RELN: variants seen among roughly 807,000 people sequenced by gnomAD.
RELN encodes reelin.
Under a neutral mutation model 427.6 loss-of-function variants are expected in RELN, and 108 were observed. That is an observed-to-expected ratio of 0.25 (90% CI 0.22 to 0.30). RELN has a LOEUF of 0.30. Among genes scored for constraint, RELN ranks in the 10% least tolerant of loss-of-function variants. RELN has a pLI of 1.00. For synonymous variants in RELN, 1,524 were observed against 1,513.4 expected, an observed-to-expected ratio of 1.01 and a Z score of -0.16; for missense variants, 3,715 against 4,302.8, an observed-to-expected ratio of 0.86 and a Z score of 3.82.
chr7:103,574,084 CT>C lies in RELN; in HGVS notation c.4511+7del. On this transcript the variant is annotated splice_region_variant and intron_variant, in intron 30 of 64. Coordinates refer to ENST00000428762, the MANE Select transcript of RELN (RefSeq NM_005045.4). The stretch of plus-strand genomic sequence containing the variant: ...TTGTGAAAAAGTATACCAGTTAATA[CT>C]TGTTACCTGATATTCCTGGTGTCCA... 1 of 1,604,772 alleles carries C rather than the reference CT, an allele frequency of 6.2e-7. No individual in the cohort carries two copies. Among genetic ancestry groups the C allele is most frequent in the Non-Finnish European group, 8.5e-7 (1 of 1,171,502 alleles).
intron 38 of RELN, among the ~76,000 whole-genome samples, chr7:103,555,525 T>A (rs2711867): frequency 6.6e-6 from 1 of 152,064 alleles, no homozygotes; most frequent in East Asian, 1.9e-4. Context: ...CAGGCTGGAG[T>A]GCAGTGTCAT....
chr7:103,607,469 GTT>G (rs1831847169), intron 22 of RELN, among the ~76,000 whole-genome samples: 2 of 152,160 alleles, frequency 1.3e-5, no homozygotes, highest in African/African-American at 4.8e-5. Context: ...AAATTGCCAA[GTT>G]TTTCTTTCTC....
At chr7:103,488,255 GATATT>G (rs1362060534) in intron 60 of RELN, among the ~76,000 whole-genome samples, 1 of 152,202 alleles carries the variant, frequency 6.6e-6, no homozygotes, top group African/African-American at 2.4e-5. Flanking sequence ...ATTTAAGTAA[GATATT>G]ATATTAGCAA....
intron 51 of RELN, among the ~76,000 whole-genome samples, chr7:103,506,358 T>C (rs1171494811): frequency 2.0e-5 from 3 of 152,060 alleles, no homozygotes; most frequent in Admixed American, 2.0e-4. Context: ...TAACAGCAGA[T>C]CTCCCTGCAG....
At chr7:103,475,595 A>ATCT (rs1828007237) in intron 64 of RELN, among the ~76,000 whole-genome samples, 1 of 152,236 alleles carries the variant, frequency 6.6e-6, no homozygotes, top group Non-Finnish European at 1.5e-5. Flanking sequence ...AACACTCAAG[A>ATCT]TATTTTGTTA....
At chr7:103,615,568 G>C (rs982061055) in intron 20 of RELN, among the ~76,000 whole-genome samples, 4 of 152,052 alleles carry the variant, frequency 2.6e-5, no homozygotes, top group African/African-American at 9.7e-5. Context: ...CTTGACCTTT[G>C]AGTCAAGACC....
chr7:103,847,584 ATCATG>A (rs1185055208), intron 2 of RELN, among the ~76,000 whole-genome samples: 2 of 152,172 alleles, frequency 1.3e-5, no homozygotes, highest in Admixed American at 6.5e-5. Context: ...ATGATATAAT[ATCATG>A]TAACTGACAG....
chr7:103,478,244 T>C, intron 64 of RELN, 145 bp downstream of exon 64: 1 of 608,992 alleles, frequency 1.6e-6, no homozygotes, highest in Non-Finnish European at 2.9e-6. Context: ...TGTTCCACTA[T>C]ATACCAGTAT....
intron 39 of RELN, 43 bp from the exon 40 acceptor site, chr7:103,553,606 T>C (rs1200047135): frequency 6.2e-7 from 1 of 1,612,754 alleles, no homozygotes; most frequent in South Asian, 1.1e-5. Context: ...TAGGCAAAAG[T>C]TCATCATGAT....
intron 1 of RELN, among the ~76,000 whole-genome samples, chr7:103,967,321 C>G (rs922428413): frequency 1.3e-5 from 2 of 152,090 alleles, no homozygotes; most frequent in African/African-American, 4.8e-5. Flanking sequence ...TTACAAAGCC[C>G]TACAAGAAAC....
intron 10 of RELN, among the ~76,000 whole-genome samples, chr7:103,682,886 CAT>C (rs968474047): frequency 2.0e-5 from 3 of 151,910 alleles, no homozygotes; most frequent in Admixed American, 6.6e-5. Flanking sequence ...CAAAAGAACA[CAT>C]AAAAAATAAG....
At chr7:103,888,648 C>T (rs146362911) in intron 2 of RELN, among the ~76,000 whole-genome samples, 4 of 152,122 alleles carry the variant, frequency 2.6e-5, no homozygotes, top group African/African-American at 9.6e-5. Flanking sequence ...CCTTGGCCTT[C>T]GTAGAAAGTA....
chr7:103,858,006 C>CT (rs752610049), intron 2 of RELN, among the ~76,000 whole-genome samples: 6 of 151,144 alleles, frequency 4.0e-5, no homozygotes, highest in South Asian at 2.1e-4. Flanking sequence ...TCAATGGTTT[C>CT]TTTTTTTTTG....
intron 51 of RELN, among the ~76,000 whole-genome samples, chr7:103,508,380 C>T (rs989836183): frequency 6.6e-6 from 1 of 152,098 alleles, no homozygotes; most frequent in Non-Finnish European, 1.5e-5. Context: ...TAAACATAAT[C>T]CAACATATAA....
chr7:103,743,464 T>A (rs1019807676), intron 6 of RELN, among the ~76,000 whole-genome samples: 3 of 152,170 alleles, frequency 2.0e-5, no homozygotes, highest in African/African-American at 7.2e-5. Context: ...AGACACAGAC[T>A]GGCAAATTGG....
intron 2 of RELN, among the ~76,000 whole-genome samples, chr7:103,872,034 TTC>T (rs1201031017): frequency 7.5e-5 from 8 of 107,340 alleles, no homozygotes; most frequent in African/African-American, 2.4e-4. Context: ...ATATATATTT[TTC>T]TTTTTTCTTT....
intron 1 of RELN, among the ~76,000 whole-genome samples, chr7:103,937,728 C>T (rs576401831): frequency 2.0e-5 from 3 of 152,172 alleles, no homozygotes; most frequent in Non-Finnish European, 4.4e-5. Context: ...ATGCTTATAA[C>T]ATCTGGAGAT....
intron 50 of RELN, chr7:103,514,003 ACTC>A (rs1262534094): frequency 2.0e-5 from 3 of 151,898 alleles, no homozygotes; most frequent in Admixed American, 6.6e-5. Context: ...AAATTTTTAA[ACTC>A]CTCAAGTTTC....
chr7:103,726,760 T>G (rs1476476282), intron 7 of RELN, among the ~76,000 whole-genome samples: 2 of 152,120 alleles, frequency 1.3e-5, no homozygotes, highest in African/African-American at 4.8e-5. Context: ...AGTAAAAAAA[T>G]TAAATTTGTG....
Sources: allele counts gnomAD v4.1 joint callset (sites outside exome capture counted in the v4.1 genomes callset), GRCh38; gene constraint gnomAD v4.1.1; transcripts MANE v1.5; gene names NCBI Gene and HGNC (gene_info 2026-07-23, HGNC 2026-07-21).